The following SHANK1 variants were observed in gnomAD, a reference collection of about 807,000 sequenced individuals.
SHANK1 encodes the protein SH3 and multiple ankyrin repeat domains 1.
In SHANK1, 35 loss-of-function variants were observed where a neutral mutation model predicts 165.6. The ratio of observed to expected loss-of-function variants is 0.21; its 90% CI spans 0.16 to 0.28. The LOEUF (loss-of-function observed/expected upper bound fraction) is 0.28. SHANK1 is among the 10% of genes least tolerant of loss of function. SHANK1 has a pLI of 1.00. For missense variants in SHANK1, 2,681 were observed against 3,036.4 expected, an observed-to-expected ratio of 0.88 and a Z score of 2.75; for synonymous variants, 1,428 against 1,384.8, an observed-to-expected ratio of 1.03 and a Z score of -0.69.
At chr19:50,699,687 G>A (rs1986845025) in intron 12 of SHANK1, among the ~76,000 whole-genome samples, 2 of 152,056 alleles carry the variant, frequency 1.3e-5, no homozygotes. Flanking sequence ...GGGATTGGAA[G>A]GCTTGGGGCA....
chr19:50,699,054 G>A lies in SHANK1; in HGVS notation c.1748-1098C>T, dbSNP rs1016711776. Among the ~76,000 whole-genome samples, 7 of 152,232 alleles carry A rather than the reference G, an allele frequency of 4.6e-5. No individual in the cohort carries two copies. The East Asian group carries it at 1.2e-3, about 25-fold the overall frequency. ...TGGAGATGGCTCCAGCTATGCTAGG[G>A]GTTGAGTTGGGGCCATCAGATGTAT... On this transcript the variant is annotated intron_variant, in intron 12 of 23. Coordinates refer to ENST00000293441, the MANE Select transcript of SHANK1 (RefSeq NM_016148.5).
At position 50,672,097 on chromosome 19, in the gene SHANK1, G is replaced by A. The variant is rs1985813649; in HGVS notation, c.2595C>T (p.His865=). The A allele has an allele frequency of 6.2e-7, 1 of 1,613,828 alleles. No individual in the cohort carries two copies. The highest frequency in any genetic ancestry group is 8.5e-7 in the Non-Finnish European group (1 of 1,179,922). Residue 865 remains histidine, a synonymous_variant, in exon 22 of 24, where the codon CAC becomes CAT. Coordinates refer to ENST00000293441, the MANE Select transcript of SHANK1 (RefSeq NM_016148.5). Reference sequence around the variant, plus strand: ...GCTCGTAACTTGGCTGGGCACGGTGGTGGGGATCGAAGCTCGACTTTGGAG... The same window carrying A: ...GCTCGTAACTTGGCTGGGCACGGTGATGGGGATCGAAGCTCGACTTTGGAG... ...FFATESSFDP[H]HRAQPSYERP... is the part of the protein sequence containing the mutation.
Position 50,668,287 on chromosome 19 carries a change from T to A in SHANK1, c.3673A>T (p.Thr1225Ser). 7.7e-7 allele frequency: 1 copy of A among 1,298,018 alleles called. No homozygotes were observed. Among genetic ancestry groups the A allele is most frequent in the Non-Finnish European group, 9.7e-7 (1 of 1,030,090 alleles). 80.4% of individuals were successfully genotyped at this position (1,298,018 alleles called of 1,614,324 possible). A position where few individuals can be genotyped will look rare whatever the true frequency, so the allele number is the denominator to read the frequency against. The change falls in exon 23 of 24, where the codon ACG becomes TCG. Residue 1225 changes from threonine to serine, a missense_variant. Thr to Ser is a moderately conservative substitution (Grantham distance 58). Around this residue, in one of 10 missense-constraint regions of SHANK1, gnomAD observed 1,713 missense variants for 1,630.2 expected, o/e 1.05. Coordinates refer to ENST00000293441, the MANE Select transcript of SHANK1 (RefSeq NM_016148.5). ...PTPASPSGPATLDFTSQFGAA... is the reference protein window; with the variant it reads ...PTPASPSGPASLDFTSQFGAA... ...CCGAACTGGCTCGTGAAGTCCAGCG[T>A]GGCCGGGCCGCTGGGCGAGGCGGGG...
chr19:50,663,678 G>T (rs1448275957), intron 23 of SHANK1, among the ~76,000 whole-genome samples: 1 of 151,286 alleles, frequency 6.6e-6, no homozygotes, highest in Non-Finnish European at 1.5e-5. Context: ...CATAGGTCAT[G>T]AGTCAATAAT....
intron 3 of SHANK1, among the ~76,000 whole-genome samples, chr19:50,715,958 AAGG>A (rs1424871332): frequency 3.3e-5 from 5 of 152,130 alleles, no homozygotes; most frequent in African/African-American, 9.7e-5. Flanking sequence ...CCCTGCCTTG[AAGG>A]AGGAGGAGTC....
intron 15 of SHANK1, among the ~76,000 whole-genome samples, chr19:50,692,940 C>T (rs1804293898): frequency 6.6e-6 from 1 of 150,592 alleles, no homozygotes. Flanking sequence ...GACCTCCTCA[C>T]CCTTGTCCTG....
In SHANK1 at chr19:50,697,542, G is replaced by A. The variant is rs778007954; in HGVS notation, c.1937+47C>T. 7.3e-7 allele frequency: 1 copy of A among 1,378,044 alleles called. No individual in the cohort carries two copies. The highest frequency in any genetic ancestry group is 1.0e-6 in the Non-Finnish European group (1 of 964,964). The allele number at this position is 1,378,044 out of a possible 1,614,324, so 85.4% of individuals were successfully genotyped here. On this transcript the variant is annotated intron_variant, in intron 14 of 23. Transcript: ENST00000293441. This position sits in a 1 kb window ranked among gnomAD's most constrained non-coding sequence, Gnocchi z 4.7. ...AATATTTAAAGGTGTACATTGTGAA[G>A]GGAACTTGGGGTGAGGGGGGTTGCC...
Position 50,666,954 on chromosome 19 carries a change from G to A in SHANK1, c.5006C>T (p.Pro1669Leu). 6.3e-7 allele frequency: 1 copy of A among 1,597,212 alleles called. No homozygotes were observed. The highest frequency in any genetic ancestry group is 8.5e-7 in the Non-Finnish European group (1 of 1,171,394). Residue 1669 changes from proline (P) to leucine (L), a missense_variant, in exon 23 of 24, where the codon CCT (proline) becomes CTT (leucine). Around this residue, in one of 10 missense-constraint regions of SHANK1, gnomAD observed 1,713 missense variants for 1,630.2 expected, o/e 1.05. Transcript: ENST00000293441. ...AAPQPGPDPPPGTDSGIEEVD... is the reference protein window; with the variant it reads ...AAPQPGPDPPLGTDSGIEEVD... Reference sequence around the variant, plus strand: ...CTCCTCGATGCCAGAATCCGTGCCAGGCGGAGGGTCCGGGCCAGGCTGTGG... The same window carrying A: ...CTCCTCGATGCCAGAATCCGTGCCAAGCGGAGGGTCCGGGCCAGGCTGTGG...
chr19:50,694,187 ACACACACACG>A (rs1373887074), intron 15 of SHANK1, among the ~76,000 whole-genome samples: 2 of 151,484 alleles, frequency 1.3e-5, no homozygotes, highest in South Asian at 2.1e-4. Flanking sequence ...TCTCTCTCTC[ACACACACACG>A]CACACACACG....
At chr19:50,703,381 A>G (rs2088893826) in intron 11 of SHANK1, 119 bp downstream of exon 11, 5 of 811,680 alleles carry the variant, frequency 6.2e-6, no homozygotes, top group Non-Finnish European at 9.5e-6. Flanking sequence ...AGGTGACACT[A>G]GGGACTTGGA....
chr19:50,707,888 TTTCTTTTC>T lies in SHANK1; in HGVS notation c.1078-3382_1078-3375del, dbSNP rs1233715343. 8.7e-3 allele frequency among the ~76,000 whole-genome samples: 255 copies of T among 29,274 alleles called. 6 individuals carry two copies. Among genetic ancestry groups the T allele is most frequent in the Middle Eastern group, 0.029 (2 of 70 alleles). The allele number at this position is 29,274 out of a possible 152,430, so 19.2% of individuals were successfully genotyped here. On this transcript the variant is annotated intron_variant, in intron 8 of 23. Coordinates refer to ENST00000293441, the MANE Select transcript of SHANK1 (RefSeq NM_016148.5). ...GTACTTTTGCGTGTTTTTCTTTTCT[TTTCTTTTC>T]TTTTCTTTTCTTTTCTTTTCTTTTC...
At chr19:50,664,557 G>A (rs1985403981) in intron 23 of SHANK1, among the ~76,000 whole-genome samples, 1 of 152,162 alleles carries the variant, frequency 6.6e-6, no homozygotes, top group African/African-American at 2.4e-5. Flanking sequence ...GGATTCATTT[G>A]CCTAAGATCA....
At position 50,716,903 on chromosome 19, in the gene SHANK1, G is replaced by T; in HGVS notation, c.17C>A (p.Ala6Glu). The part of the protein sequence containing the change: MTHSP[A>E]TSEDEERHSA... ...GTGGCGTTCCTCGTCCTCGCTTGTC[G>T]CGGGGCTGTGGGTCATTGTGGGGCC... The change falls in exon 2 of 24, where the codon GCG (alanine) becomes GAG (glutamate). Residue 6 changes from alanine to glutamate, a missense_variant. Coordinates refer to ENST00000293441, the MANE Select transcript of SHANK1 (RefSeq NM_016148.5). The surrounding 1 kb of genome is among the most constrained non-coding windows in gnomAD (Gnocchi z 8.4). The T allele has an allele frequency of 6.9e-7, 1 of 1,448,196 alleles. No individual in the cohort carries two copies. Among genetic ancestry groups the T allele is most frequent in the Non-Finnish European group, 9.1e-7 (1 of 1,098,826 alleles). The allele number at this position is 1,448,196 out of a possible 1,614,324, so 89.7% of individuals were successfully genotyped here.
In SHANK1 at chr19:50,710,590, C is replaced by T. The variant is rs147905569; in HGVS notation, c.1077+781G>A. Among the ~76,000 whole-genome samples the T allele has an allele frequency of 3.0e-3, 454 of 152,324 alleles. 3 individuals are homozygous for T. The highest frequency in any genetic ancestry group is 9.5e-3 in the African/African-American group (396 of 41,562). On this transcript the variant is annotated intron_variant, in intron 8 of 23. Coordinates refer to ENST00000293441, the MANE Select transcript of SHANK1 (RefSeq NM_016148.5). ...CCCGGCTCTTGCCAACCAGCTGCCA[C>T]GAGCCCCCCTGCCTGCTCCGTACCT...
In SHANK1 at chr19:50,714,270, C is replaced by T; in HGVS notation, c.552G>A (p.Leu184=). The T allele has an allele frequency of 6.2e-7, 1 of 1,614,106 alleles. No individual in the cohort carries two copies. The highest frequency in any genetic ancestry group is 1.1e-5 in the South Asian group (1 of 91,082). Residue 184 remains leucine, a synonymous_variant, in exon 5 of 24, where the codon CTG becomes CTA. Coordinates refer to ENST00000293441, the MANE Select transcript of SHANK1 (RefSeq NM_016148.5). ...CAGATGTCCCGAGCTGCACATACTC[C>T]AGGAACTTCTTCAACCCCGTCTGAG... ...LHTKTGLKKF[L]EYVQLGTSDK...
At position 50,669,280 on chromosome 19, in the gene SHANK1, C is replaced by T. The variant is rs779134385; in HGVS notation, c.2680G>A (p.Ala894Thr). The change falls in exon 23 of 24, where the codon GCA (alanine) becomes ACA (threonine). Residue 894 changes from alanine (A) to threonine (T), a missense_variant. Physicochemically the swap from Ala to Thr is moderately conservative, Grantham distance 58 (BLOSUM62 0). This residue lies in a region of SHANK1 where 206 missense variants were observed against 216.0 expected (regional missense o/e 0.95). Transcript: ENST00000293441. ...GCTAGGTAAGGTCTGTCATCTTCTG[C>T]CGCACCTGGGGAGATACAGAGGCTC... ...LMLRQKSIGA[A>T]EDDRPYLAPP... 2 of 1,607,574 alleles carry T rather than the reference C, an allele frequency of 1.2e-6. No individual in the cohort carries two copies. The highest frequency in any genetic ancestry group is 2.2e-5 in the East Asian group (1 of 44,464).
At position 50,690,772 on chromosome 19, in the gene SHANK1, A is replaced by C. The variant is rs1318646838; in HGVS notation, c.1965-1493T>G. Among the ~76,000 whole-genome samples, 1 of 151,928 alleles carries C rather than the reference A, an allele frequency of 6.6e-6. No individual in the cohort carries two copies. The highest frequency in any genetic ancestry group is 6.6e-5 in the Admixed American group (1 of 15,248). ...CCAATAATAACTCCCCCTCACTCGG[A>C]TCTCAGTGTATTCCCATAACACGCC... On this transcript the variant is annotated intron_variant, in intron 15 of 23. Coordinates refer to ENST00000293441, the MANE Select transcript of SHANK1 (RefSeq NM_016148.5). This position sits in a 1 kb window ranked among gnomAD's most constrained non-coding sequence, Gnocchi z 4.9.
intron 21 of SHANK1, among the ~76,000 whole-genome samples, chr19:50,683,743 G>A (rs1030929899): frequency 6.6e-6 from 1 of 152,112 alleles, no homozygotes; most frequent in African/African-American, 2.4e-5. Flanking sequence ...CACACATAGG[G>A]CTACTCAAGA....
chr19:50,707,564 CTT>C (rs11291754), intron 8 of SHANK1, among the ~76,000 whole-genome samples: 241 of 142,194 alleles, frequency 1.7e-3, no homozygotes, highest in African/African-American at 2.4e-3. Flanking sequence ...CTTCTTCTTC[CTT>C]TTTTTTTTTT....
Sources: allele counts gnomAD v4.1 joint callset (sites outside exome capture counted in the v4.1 genomes callset), GRCh38; gene constraint gnomAD v4.1.1; regional missense constraint gnomAD v4.1.1; non-coding constraint Gnocchi (gnomAD v3.1); transcripts MANE v1.5; gene names NCBI Gene and HGNC (gene_info 2026-07-23, HGNC 2026-07-21).